The following CTNNA2 variants were observed in gnomAD, a reference collection of about 807,000 sequenced individuals.
CTNNA2 encodes the protein catenin alpha-2.
Under a neutral mutation model 101.0 loss-of-function variants are expected in CTNNA2, and 42 were observed. The ratio of observed to expected loss-of-function variants is 0.42; its 90% CI spans 0.32 to 0.54. The LOEUF (loss-of-function observed/expected upper bound fraction) is 0.54, where lower values mean the gene tolerates loss of function less well. Ranked by LOEUF, CTNNA2 falls within the 20% of genes least tolerant of loss-of-function variation. The pLI, the probability that CTNNA2 is intolerant of heterozygous loss-of-function variation, is 0.14. For synonymous variants in CTNNA2, 450 were observed against 456.4 expected (o/e 0.99, Z 0.18); for missense variants, 871 against 1,223.1 (o/e 0.71, Z 4.29).
chr2:79,199,241 C>A (rs1009602877), intron 2 of CTNNA2, among the ~76,000 whole-genome samples: 3 of 152,130 alleles, frequency 2.0e-5, no homozygotes, highest in African/African-American at 7.2e-5. Flanking sequence ...TAACTGTGTG[C>A]TCTGTGTTCT....
intron 7 of CTNNA2, among the ~76,000 whole-genome samples, chr2:80,244,987 G>A (rs58121546): frequency 0.022 from 3,315 of 152,268 alleles, 39 homozygotes; most frequent in South Asian, 0.046. Flanking sequence ...CAAAGCGGGC[G>A]TTTTTATTGT....
At chr2:79,952,929 T>A (rs1196755592) in intron 7 of CTNNA2, among the ~76,000 whole-genome samples, 1 of 152,198 alleles carries the variant, frequency 6.6e-6, no homozygotes, top group Non-Finnish European at 1.5e-5. Context: ...CTTGTATTAT[T>A]TATACAGCAT....
intron 1 of CTNNA2, among the ~76,000 whole-genome samples, chr2:79,556,205 G>GA (rs1374449005): frequency 1.3e-5 from 2 of 151,790 alleles, no homozygotes; most frequent in Non-Finnish European, 2.9e-5. Flanking sequence ...GATTTATATT[G>GA]AACCCTCTTT....
intron 7 of CTNNA2, among the ~76,000 whole-genome samples, chr2:80,153,124 G>A (rs951717787): frequency 2.6e-5 from 4 of 152,192 alleles, no homozygotes; most frequent in African/African-American, 9.7e-5. Flanking sequence ...CTGGTGCCAC[G>A]GAAAGCGTTG....
At chr2:80,533,044 A>AT (rs1476433564) in intron 9 of CTNNA2, among the ~76,000 whole-genome samples, 1 of 152,160 alleles carries the variant, frequency 6.6e-6, no homozygotes, top group Non-Finnish European at 1.5e-5. Flanking sequence ...AAATACAACC[A>AT]TTATCCTCAA....
chr2:80,391,964 T>C (rs1202648050), intron 7 of CTNNA2, among the ~76,000 whole-genome samples: 1 of 152,212 alleles, frequency 6.6e-6, no homozygotes, highest in African/African-American at 2.4e-5. Flanking sequence ...GTTTGGGCTT[T>C]TTAATGAAAA....
rs1338794692 is a variant in CTNNA2 at position 79,599,753 on chromosome 2, C to T, written c.-5-51799C>T. Among the ~76,000 whole-genome samples, 4 of 152,052 alleles carry T rather than the reference C, an allele frequency of 2.6e-5. No homozygotes were observed. The South Asian group carries it at 6.2e-4, about 24-fold the overall frequency. On this transcript the variant is annotated intron_variant, in intron 1 of 18. Coordinates refer to ENST00000402739, the MANE Select transcript of CTNNA2 (RefSeq NM_001282597.3). ...AAATTTAAGTAAGATATTTCAAAAA[C>T]GTTTAAAAAATTTCTTTAAAGTCAC...
chr2:79,262,171 A>C (rs1674930969), intron 2 of CTNNA2, among the ~76,000 whole-genome samples: 1 of 152,180 alleles, frequency 6.6e-6, no homozygotes, highest in African/African-American at 2.4e-5. Flanking sequence ...TGGGGAAAAA[A>C]TACAATAAAA....
intron 7 of CTNNA2, among the ~76,000 whole-genome samples, chr2:80,378,214 C>A (rs903415920): frequency 2.6e-5 from 4 of 151,788 alleles, no homozygotes; most frequent in African/African-American, 9.7e-5. Context: ...AAAAATTAGC[C>A]GGGCATGGTG....
chr2:79,829,642 T>C (rs1285537094), intron 3 of CTNNA2, among the ~76,000 whole-genome samples: 1 of 152,032 alleles, frequency 6.6e-6, no homozygotes, highest in Non-Finnish European at 1.5e-5. Flanking sequence ...CTCATGTCTG[T>C]TTTTAAAAAA....
At chr2:80,431,198 T>G (rs903509018) in intron 9 of CTNNA2, among the ~76,000 whole-genome samples, 6 of 152,188 alleles carry the variant, frequency 3.9e-5, no homozygotes, top group Non-Finnish European at 5.9e-5. Flanking sequence ...TTTTCAGGTT[T>G]CTTTGACTCC....
rs116124367 is a variant in CTNNA2, at chr2:80,470,726, G to A, written c.1290+51125G>A. Among the ~76,000 whole-genome samples, 1,064 of 152,156 alleles carry A rather than the reference G, an allele frequency of 7.0e-3. 12 individuals are homozygous for A. Among genetic ancestry groups the A allele is most frequent in the African/African-American group, 0.024 (976 of 41,494 alleles). On this transcript the variant is annotated intron_variant, in intron 9 of 18. Coordinates refer to ENST00000402739, the MANE Select transcript of CTNNA2 (RefSeq NM_001282597.3). ...GTGCTTCCTACTTCTTGAAACCTGAGGAATAGAGAAAGCATACAGAAGATA... is the reference window on the plus strand; with the variant it reads ...GTGCTTCCTACTTCTTGAAACCTGAAGAATAGAGAAAGCATACAGAAGATA...
At chr2:80,093,210 T>G (rs574971744) in intron 7 of CTNNA2, among the ~76,000 whole-genome samples, 241 of 152,160 alleles carry the variant, frequency 1.6e-3, no homozygotes, top group African/African-American at 5.6e-3. Flanking sequence ...TGTGTCCATG[T>G]GTTCTCATTG....
chr2:79,905,909 A>T (rs1685390795), intron 6 of CTNNA2, among the ~76,000 whole-genome samples: 1 of 152,034 alleles, frequency 6.6e-6, no homozygotes, highest in Non-Finnish European at 1.5e-5. Flanking sequence ...GGATGGATTC[A>T]TTTCCAGGGG....
rs144793314 is a variant in CTNNA2 at position 79,977,730 on chromosome 2, G to C, written c.1056+67933G>C. On this transcript the variant is annotated intron_variant, in intron 7 of 18. Transcript: ENST00000402739. ...TTTTTAAAAAATCTTAAAAATACTTGTTTTCCTAGATTTCTCCTCCCTCCC... is the reference window on the plus strand; with the variant it reads ...TTTTTAAAAAATCTTAAAAATACTTCTTTTCCTAGATTTCTCCTCCCTCCC... Among the ~76,000 whole-genome samples, 241 of 152,044 alleles carry C rather than the reference G, an allele frequency of 1.6e-3. 3 individuals are homozygous for C. Among genetic ancestry groups the C allele is most frequent in the African/African-American group, 5.3e-3 (219 of 41,492 alleles).
intron 2 of CTNNA2, among the ~76,000 whole-genome samples, chr2:79,280,623 C>CTGTG (rs369268407): frequency 0.032 from 4,165 of 129,084 alleles, 98 homozygotes; most frequent in African/African-American, 0.05. Flanking sequence ...ATCCTGTATG[C>CTGTG]TGTGTGTGTG....
chr2:80,008,798 G>A (rs1392882168), intron 7 of CTNNA2, among the ~76,000 whole-genome samples: 1 of 152,188 alleles, frequency 6.6e-6, no homozygotes, highest in Non-Finnish European at 1.5e-5. Flanking sequence ...GATAACTTAT[G>A]TAAACAACAA....
intron 4 of CTNNA2, among the ~76,000 whole-genome samples, chr2:79,416,257 CTTTTTTTT>C (rs66830925): frequency 0.037 from 3,463 of 94,756 alleles, 69 homozygotes; most frequent in African/African-American, 0.091. Context: ...CTTTCCTTTT[CTTTTTTTT>C]TTTTTTTTTT....
intron 3 of CTNNA2, among the ~76,000 whole-genome samples, chr2:79,857,041 T>C (rs1341988889): frequency 1.3e-5 from 2 of 152,236 alleles, no homozygotes; most frequent in Non-Finnish European, 1.5e-5. Flanking sequence ...TAGGCATTAC[T>C]GCCTCTCTCC....
Sources: gnomAD v4.1 joint callset for allele counts (sites outside exome capture counted in the v4.1 genomes callset) on GRCh38, gnomAD v4.1.1 for gene constraint, MANE v1.5 for transcripts, NCBI Gene and HGNC (gene_info 2026-07-23, HGNC 2026-07-21) for gene names.